Variants in DGKG observed in about 807,000 individuals in gnomAD.
DGKG encodes the protein DAG kinase gamma.
A neutral mutation model predicts 105.3 loss-of-function variants in DGKG; 78 were observed. The ratio of observed to expected loss-of-function variants is 0.74; its 90% confidence interval spans 0.62 to 0.89. DGKG has a LOEUF of 0.89. Ranked by LOEUF, DGKG falls within the 40% of genes least tolerant of loss-of-function variation. DGKG has a pLI of 0.00. For missense variants in DGKG, 958 were observed against 1,020.1 expected, an observed-to-expected ratio of 0.94 and a Z score of 0.83; for synonymous variants, 346 against 367.1, an observed-to-expected ratio of 0.94 and a Z score of 0.66.
At chr3:186,255,727 G>A (rs1721434252) in intron 17 of DGKG, among the ~76,000 whole-genome samples, 1 of 152,224 alleles carries the variant, frequency 6.6e-6, no homozygotes, top group Non-Finnish European at 1.5e-5. Context: ...AGCCACTGGT[G>A]TGCTTTATGC....
chr3:186,148,999 T>C lies in DGKG; in HGVS notation c.*1091A>G. On this transcript the variant is annotated 3_prime_UTR_variant, in exon 25 of 25. Transcript: ENST00000265022. ...TATAAATATATAGGCTAAATATATATATATACACGCACACACACACACACA... is the reference window on the plus strand; with the variant it reads ...TATAAATATATAGGCTAAATATATACATATACACGCACACACACACACACA... The C allele has an allele frequency of 1.2e-6, 1 of 864,706 alleles. No individual in the cohort carries two copies. Among genetic ancestry groups the C allele is most frequent in the Non-Finnish European group, 1.4e-6 (1 of 722,660 alleles). 53.6% of individuals were successfully genotyped at this position (864,706 alleles called of 1,614,324 possible).
At chr3:186,281,113 G>A (rs1722810390) in intron 7 of DGKG, 1 of 184,046 alleles carries the variant, frequency 5.4e-6, no homozygotes, top group Non-Finnish European at 1.2e-5. Flanking sequence ...GATTTCTCCT[G>A]TCACTTCTTA....
In DGKG at chr3:186,263,035, G is replaced by A. The variant is rs557870988; in HGVS notation, c.1270-1257C>T. On this transcript the variant is annotated intron_variant, in intron 14 of 24. Transcript: ENST00000265022. The stretch of plus-strand genomic sequence containing the variant: ...CCAGCTACTCGGGAGGCTGAGGCAG[G>A]AGAATCGCTTGAACCTGGGAGGTGG... Among the ~76,000 whole-genome samples, 38 of 152,188 alleles carry A rather than the reference G, an allele frequency of 2.5e-4. 2 individuals are homozygous for A. In the East Asian group the frequency reaches 6.6e-3, roughly 26 times the overall value.
chr3:186,258,117 A>C (rs573753115), intron 16 of DGKG, among the ~76,000 whole-genome samples, 178 bp from the exon 17 acceptor site: 9 of 152,358 alleles, frequency 5.9e-5, no homozygotes, highest in Admixed American at 5.2e-4. Flanking sequence ...TGCCTTGAAT[A>C]TGGAGCCAAG....
At chr3:186,310,043 C>A (rs558389519) in intron 2 of DGKG, among the ~76,000 whole-genome samples, 1 of 148,828 alleles carries the variant, frequency 6.7e-6, no homozygotes, top group African/African-American at 2.5e-5. Flanking sequence ...CTGAGGCGGG[C>A]GGATCACGAG....
rs1055090719 is a variant in DGKG, at chr3:186,332,238, T to C, written c.-248-11531A>G. ...TATTATATTAAACATGAGCACAGAA[T>C]GGAATAGAATGCAAAATATCCAGGA... On this transcript the variant is annotated intron_variant, in intron 1 of 24. Transcript: ENST00000265022. Among the ~76,000 whole-genome samples the C allele has an allele frequency of 2.0e-5, 3 of 152,110 alleles. No individual in the cohort carries two copies. The South Asian group carries it at 6.2e-4, about 31-fold the overall frequency.
intron 21 of DGKG, among the ~76,000 whole-genome samples, chr3:186,209,088 C>CTTTTTTTTTTTTTTTTTTT (rs1560096022): frequency 2.4e-5 from 3 of 124,888 alleles, no homozygotes; most frequent in African/African-American, 1.0e-4. Context: ...CTTCAGTTTA[C>CTTTTTTTTTTTTTTTTTTT]TCTTCTTTTT....
chr3:186,167,856 G>A (rs1371851728), intron 22 of DGKG, among the ~76,000 whole-genome samples: 7 of 152,168 alleles, frequency 4.6e-5, no homozygotes, highest in African/African-American at 7.2e-5. Context: ...TGTAAGAGTT[G>A]GGATGCAAAA....
chr3:186,232,980 C>T (rs1288606733), intron 20 of DGKG, among the ~76,000 whole-genome samples: 4 of 152,170 alleles, frequency 2.6e-5, no homozygotes, highest in Non-Finnish European at 5.9e-5. Flanking sequence ...GTAATAGACA[C>T]TTTAAATGCA....
intron 22 of DGKG, among the ~76,000 whole-genome samples, chr3:186,174,338 T>C (rs556337417): frequency 6.6e-6 from 1 of 152,266 alleles, no homozygotes; most frequent in Admixed American, 6.5e-5. Flanking sequence ...GTTCCGACTT[T>C]GCTACACAGT....
At chr3:186,309,900 TGAG>T (rs1724434864) in intron 2 of DGKG, among the ~76,000 whole-genome samples, 1 of 151,886 alleles carries the variant, frequency 6.6e-6, no homozygotes, top group Non-Finnish European at 1.5e-5. Flanking sequence ...TAAAATAAAC[TGAG>T]GTTTTAATAA....
At chr3:186,239,172 C>G (rs1029320233) in intron 20 of DGKG, among the ~76,000 whole-genome samples, 1 of 152,130 alleles carries the variant, frequency 6.6e-6, no homozygotes. Flanking sequence ...GGTAAGTGTT[C>G]CGGACCTGAC....
rs1017930347 is a variant in DGKG, at chr3:186,231,747, G to A, written c.1826+10757C>T. Among the ~76,000 whole-genome samples the A allele has an allele frequency of 3.3e-5, 5 of 151,816 alleles. No homozygotes were observed. Among genetic ancestry groups the A allele is most frequent in the Non-Finnish European group, 5.9e-5 (4 of 67,930 alleles). ...CAGCCTGGCCAACATGGTGAAACCC[G>A]CTCTCTACTAAAAATACAAAAAAAT... On this transcript the variant is annotated intron_variant, in intron 20 of 24. Transcript: ENST00000265022. This position sits in a 1 kb window ranked among gnomAD's most constrained non-coding sequence, Gnocchi z 4.5.
chr3:186,218,387 C>G (rs997005980), intron 20 of DGKG, among the ~76,000 whole-genome samples: 3 of 151,114 alleles, frequency 2.0e-5, no homozygotes, highest in African/African-American at 7.3e-5. Flanking sequence ...GACTGTAATC[C>G]CAGCTACTCG....
Position 186,251,864 on chromosome 3 carries a change from C to T in DGKG, c.1656G>A (p.Leu552=), listed in dbSNP as rs1320159148. Residue 552 remains leucine (L), a synonymous_variant, in exon 19 of 25, where the codon TTG becomes TTA. Transcript: ENST00000265022. ...CCAGATGCCAGCGGTCCAGCATCAC[C>T]AAGGGGCTCTGCTCAATGTCTTTCA... ...KILKDIEQSP[L]VMLDRWHLEV... 1.9e-6 allele frequency: 3 copies of T among 1,611,610 alleles called. No homozygotes were observed. The African/African-American group carries it at 4.0e-5, about 22-fold the overall frequency.
intron 21 of DGKG, among the ~76,000 whole-genome samples, chr3:186,193,222 C>T (rs1028227991): frequency 2.6e-5 from 4 of 152,220 alleles, no homozygotes; most frequent in Non-Finnish European, 5.9e-5. Flanking sequence ...AAGAACGTGC[C>T]TGCCTGGGCT....
In DGKG at chr3:186,315,048, A is replaced by G. The variant is rs117230538; in HGVS notation, c.67+5345T>C. ...CCCACATGCACACACCCTCTGCGGTAGAAATCTATTTAAATATAGAAACCA... is the reference window on the plus strand; with the variant it reads ...CCCACATGCACACACCCTCTGCGGTGGAAATCTATTTAAATATAGAAACCA... On this transcript the variant is annotated intron_variant, in intron 2 of 24. Transcript: ENST00000265022. Among the ~76,000 whole-genome samples the G allele has an allele frequency of 1.8e-4, 28 of 152,298 alleles. No homozygotes were observed. In the East Asian group the frequency reaches 5.2e-3, roughly 28 times the overall value.
intron 15 of DGKG, 62 bp from the exon 16 acceptor site, chr3:186,260,575 G>T: frequency 7.6e-7 from 1 of 1,313,740 alleles, no homozygotes; most frequent in South Asian, 1.2e-5. Context: ...GTCATCGTGA[G>T]AAGTCACATT....
intron 1 of DGKG, among the ~76,000 whole-genome samples, chr3:186,347,617 G>T (rs1010428892): frequency 1.3e-4 from 20 of 151,062 alleles, no homozygotes; most frequent in African/African-American, 4.9e-4. Flanking sequence ...GAGTCTCACC[G>T]TGTTGCTCAA....
Sources: allele counts gnomAD v4.1 joint callset (sites outside exome capture counted in the v4.1 genomes callset), GRCh38; gene constraint gnomAD v4.1.1; non-coding constraint Gnocchi (gnomAD v3.1); transcripts MANE v1.5; gene names NCBI Gene and HGNC (gene_info 2026-07-23, HGNC 2026-07-21).